SORCS2: variants seen among roughly 807,000 people sequenced by gnomAD.
The protein encoded by SORCS2 is sortilin related VPS10 domain containing receptor 2, also known as VPS10 domain-containing receptor SorCS2.
Under a neutral mutation model 141.6 loss-of-function variants are expected in SORCS2, and 100 were observed. That is an observed-to-expected ratio of 0.71 (90% CI 0.60 to 0.83). The LOEUF (loss-of-function observed/expected upper bound fraction) is 0.83. Among genes scored for constraint, SORCS2 ranks in the 40% least tolerant of loss-of-function variants. The pLI, the probability that SORCS2 is intolerant of heterozygous loss-of-function variation, is 0.00. For synonymous variants in SORCS2, 789 were observed against 676.9 expected (o/e 1.17, Z -2.57); for missense variants, 1,646 against 1,560.2 (o/e 1.05, Z -0.93).
At chr4:7,697,106 C>A in intron 11 of SORCS2, 92 bp from the exon 12 acceptor site, 1 of 1,103,860 alleles carries the variant, frequency 9.1e-7, no homozygotes, top group South Asian at 1.5e-5. Flanking sequence ...GCACTGGCCA[C>A]CGTTGCTTGA....
intron 2 of SORCS2, among the ~76,000 whole-genome samples, chr4:7,400,318 T>A (rs1253911024): frequency 6.6e-6 from 1 of 152,182 alleles, no homozygotes; most frequent in East Asian, 1.9e-4. Flanking sequence ...CAACCCCAGG[T>A]ACTGGATCCT....
chr4:7,675,470 G>A (rs917385046), intron 8 of SORCS2, among the ~76,000 whole-genome samples: 1 of 152,230 alleles, frequency 6.6e-6, no homozygotes, highest in Admixed American at 6.5e-5. Context: ...TGAAGCTTGA[G>A]TGGATGAATC....
At chr4:7,338,063 G>A (rs1577416534) in intron 1 of SORCS2, among the ~76,000 whole-genome samples, 1 of 152,056 alleles carries the variant, frequency 6.6e-6, no homozygotes, top group Non-Finnish European at 1.5e-5. Context: ...ATCAGGTCTG[G>A]CACCTAGAAG....
intron 1 of SORCS2, among the ~76,000 whole-genome samples, chr4:7,263,628 C>T (rs920199472): frequency 6.6e-6 from 1 of 152,218 alleles, no homozygotes; most frequent in Admixed American, 6.5e-5. Context: ...TTCAGCTAAG[C>T]CCGTGGTCTC....
intron 1 of SORCS2, among the ~76,000 whole-genome samples, chr4:7,327,803 G>A (rs1014727198): frequency 4.7e-5 from 7 of 150,502 alleles, no homozygotes; most frequent in African/African-American, 7.3e-5. Flanking sequence ...TTGTGTGACC[G>A]CCCCCCCCAA....
intron 2 of SORCS2, among the ~76,000 whole-genome samples, chr4:7,448,695 T>C (rs1430226137): frequency 7.4e-6 from 1 of 134,436 alleles, no homozygotes; most frequent in Non-Finnish European, 1.6e-5. Context: ...CCTTCCTCTC[T>C]CTGCCTTCCT....
intron 5 of SORCS2, among the ~76,000 whole-genome samples, chr4:7,657,074 C>A (rs1721823910): frequency 6.6e-6 from 1 of 152,248 alleles, no homozygotes; most frequent in African/African-American, 2.4e-5. Flanking sequence ...TACGGTCTAA[C>A]AGAGTCTTCA....
At chr4:7,259,429 C>G (rs1304723161) in intron 1 of SORCS2, among the ~76,000 whole-genome samples, 1 of 152,148 alleles carries the variant, frequency 6.6e-6, no homozygotes, top group South Asian at 2.1e-4. Context: ...ACTCTGTACT[C>G]GTAGGCCCAG....
chr4:7,563,963 G>T (rs1714778929), intron 3 of SORCS2, among the ~76,000 whole-genome samples: 1 of 152,194 alleles, frequency 6.6e-6, no homozygotes, highest in Admixed American at 6.5e-5. Context: ...TGAAACATAA[G>T]ATGTCAGGTT....
chr4:7,637,818 G>A (rs1242044502), intron 3 of SORCS2, among the ~76,000 whole-genome samples: 1 of 152,024 alleles, frequency 6.6e-6, no homozygotes, highest in Admixed American at 6.5e-5. Context: ...CCTGGTGTAA[G>A]GAGAAGCCTG....
At chr4:7,727,429 C>CT (rs1303018096) in intron 21 of SORCS2, among the ~76,000 whole-genome samples, 5 of 13,432 alleles carry the variant, frequency 3.7e-4, no homozygotes, top group African/African-American at 1.5e-3. Context: ...TGAAGGAGAC[C>CT]CCCCCCCCCC....
intron 2 of SORCS2, among the ~76,000 whole-genome samples, chr4:7,416,401 G>A (rs1406380851): frequency 6.6e-6 from 1 of 152,152 alleles, no homozygotes; most frequent in East Asian, 1.9e-4. Context: ...GTTCCTGGAG[G>A]GGCTGAGTCT....
chr4:7,628,294 G>A (rs986257248), intron 3 of SORCS2, among the ~76,000 whole-genome samples: 9 of 152,128 alleles, frequency 5.9e-5, no homozygotes, highest in East Asian at 1.9e-4. Flanking sequence ...AGGCCGAGGC[G>A]GGCGGATCAC....
At chr4:7,353,612 C>T (rs1405939787) in intron 1 of SORCS2, among the ~76,000 whole-genome samples, 3 of 152,166 alleles carry the variant, frequency 2.0e-5, no homozygotes, top group Admixed American at 6.5e-5. Context: ...GTTCCCTGGG[C>T]CTCCTGCCCT....
intron 23 of SORCS2, among the ~76,000 whole-genome samples, chr4:7,731,272 C>T (rs1328593773): frequency 6.6e-6 from 1 of 152,058 alleles, no homozygotes; most frequent in Non-Finnish European, 1.5e-5. Flanking sequence ...TGGTGAAAAG[C>T]TTGTGCACTA....
chr4:7,360,449 C>T (rs1406940067), intron 1 of SORCS2, among the ~76,000 whole-genome samples: 1 of 152,002 alleles, frequency 6.6e-6, no homozygotes, highest in Non-Finnish European at 1.5e-5. Context: ...CCCTGTGAGC[C>T]ATTCCATCCT....
At chr4:7,571,789 G>A (rs1219467950) in intron 3 of SORCS2, among the ~76,000 whole-genome samples, 1 of 152,226 alleles carries the variant, frequency 6.6e-6, no homozygotes, top group Non-Finnish European at 1.5e-5. Context: ...GTCATTCAGT[G>A]TTAATCATGG....
chr4:7,633,272 G>A (rs529446739), intron 3 of SORCS2, among the ~76,000 whole-genome samples: 113 of 152,246 alleles, frequency 7.4e-4, no homozygotes, highest in African/African-American at 2.6e-3. Context: ...GGAGTTTGCC[G>A]TGGCTGATGC....
chr4:7,425,858 C>T (rs180684950), intron 2 of SORCS2, among the ~76,000 whole-genome samples: 1 of 152,356 alleles, frequency 6.6e-6, no homozygotes, highest in Non-Finnish European at 1.5e-5. Flanking sequence ...TGGATGGGGC[C>T]TAGGCTCTGC....
Sources: gnomAD v4.1 joint callset for allele counts (sites outside exome capture counted in the v4.1 genomes callset) on GRCh38, gnomAD v4.1.1 for gene constraint, MANE v1.5 for transcripts, NCBI Gene and HGNC (gene_info 2026-07-23, HGNC 2026-07-21) for gene names.